Variants in ODAD3 observed in about 807,000 individuals in gnomAD.
The protein encoded by ODAD3 is outer dynein arm docking complex subunit 3.
Under a neutral mutation model 70.9 loss-of-function variants are expected in ODAD3, and 57 were observed. The observed-to-expected ratio is 0.80, with a 90% confidence interval of 0.65 to 1.00. The LOEUF (loss-of-function observed/expected upper bound fraction) is 1.00. ODAD3 is among the 50% of genes least tolerant of loss of function. The pLI, the probability that ODAD3 is intolerant of heterozygous loss-of-function variation, is 0.00. For synonymous variants in ODAD3, 327 were observed against 315.9 expected (o/e 1.04, Z -0.37); for missense variants, 797 against 763.9 (o/e 1.04, Z -0.51).
rs754536374 is a variant in ODAD3, at chr19:11,422,866, G to A, written c.1117-5C>T. 5 of 1,601,230 alleles carry A rather than the reference G, an allele frequency of 3.1e-6. No individual in the cohort carries two copies. Among genetic ancestry groups the A allele is most frequent in the South Asian group, 1.1e-5 (1 of 91,006 alleles). ...CAGGAACCGCCGCACCAACGACTGCGGGCCACCCAGCCCCAGTCAGAGCCA... is the reference window on the plus strand; with the variant it reads ...CAGGAACCGCCGCACCAACGACTGCAGGCCACCCAGCCCCAGTCAGAGCCA... On this transcript the variant is annotated splice_polypyrimidine_tract_variant and splice_region_variant and intron_variant, in intron 8 of 12. Coordinates refer to ENST00000356392, the MANE Select transcript of ODAD3 (RefSeq NM_145045.5). The surrounding 1 kb of genome is among the most constrained non-coding windows in gnomAD (Gnocchi z 4.6).
At position 11,425,122 on chromosome 19, in the gene ODAD3, CAT is replaced by C. The variant is rs1209559228; in HGVS notation, c.963+1020_963+1021del. On this transcript the variant is annotated intron_variant, in intron 7 of 12. Transcript: ENST00000356392. The stretch of plus-strand genomic sequence containing the variant: ...ATATATGTATATATGTGTATATGTA[CAT>C]ATGTGTATATGTGTATATGTACATA... 3.9e-4 allele frequency among the ~76,000 whole-genome samples: 45 copies of C among 116,606 alleles called. 4 individuals are homozygous for C. The highest frequency in any genetic ancestry group is 5.1e-4 in the Non-Finnish European group (31 of 61,148). 76.5% of individuals were successfully genotyped at this position (116,606 alleles called of 152,430 possible). A position where few individuals can be genotyped will look rare whatever the true frequency, so the allele number is the denominator to read the frequency against.
intron 8 of ODAD3, 89 bp downstream of exon 8, chr19:11,423,788 G>C (rs1453726944): frequency 7.3e-7 from 1 of 1,364,308 alleles, no homozygotes; most frequent in Non-Finnish European, 1.0e-6. Flanking sequence ...GGGGAGACAG[G>C]GTGTGTCGGT....
chr19:11,435,097 G>A lies in ODAD3; in HGVS notation c.-81C>T, dbSNP rs1214449838. 2.0e-6 allele frequency: 3 copies of A among 1,510,072 alleles called. No individual in the cohort carries two copies. The highest frequency in any genetic ancestry group is 2.3e-5 in the East Asian group (1 of 43,876). 93.5% of individuals were successfully genotyped at this position (1,510,072 alleles called of 1,614,324 possible). A position where few individuals can be genotyped will look rare whatever the true frequency, so the allele number is the denominator to read the frequency against. On this transcript the variant is annotated 5_prime_UTR_variant, in exon 1 of 13. Transcript: ENST00000356392. The stretch of plus-strand genomic sequence containing the variant: ...GCCCCTGTCAGGGATCCGTCAGCTC[G>A]GATTCCTAGGGCTCTGAAAAATGCA...
intron 8 of ODAD3, 152 bp from the exon 9 acceptor site, chr19:11,423,013 G>A: frequency 2.4e-6 from 2 of 849,718 alleles, no homozygotes; most frequent in Non-Finnish European, 3.6e-6. Flanking sequence ...CTGTGGGTTG[G>A]ACGCAGGGTT....
intron 7 of ODAD3, among the ~76,000 whole-genome samples, chr19:11,425,293 G>T (rs1258749345): frequency 7.2e-6 from 1 of 138,366 alleles, no homozygotes; most frequent in Non-Finnish European, 1.5e-5. Flanking sequence ...GTACATATGT[G>T]TATATATGTG....
At chr19:11,435,777 G>A, upstream of ODAD3, 1 of 1,395,906 alleles carries the variant, frequency 7.2e-7, no homozygotes, top group African/African-American at 1.4e-5. Flanking sequence ...TGCATGTGTG[G>A]GTGTGGACGG....
intron 3 of ODAD3, among the ~76,000 whole-genome samples, chr19:11,429,828 G>A (rs376394286): frequency 6.6e-6 from 1 of 150,508 alleles, no homozygotes; most frequent in African/African-American, 2.4e-5. Flanking sequence ...GTGAGCCACC[G>A]CGCCCAGCCT....
chr19:11,424,137 T>C, intron 7 of ODAD3, 108 bp from the exon 8 acceptor site: 1 of 1,364,654 alleles, frequency 7.3e-7, no homozygotes, highest in Non-Finnish European at 1.0e-6. Context: ...GGGCTCAAAC[T>C]GGAGGGAAGG....
rs1969375983 is a variant in ODAD3, at chr19:11,426,430, G to C, written c.840+16C>G. 1.2e-6 allele frequency: 2 copies of C among 1,613,978 alleles called. No individual in the cohort carries two copies. The highest frequency in any genetic ancestry group is 1.6e-4 in the Middle Eastern group (1 of 6,062). ...CGGCAGCTGGGCAGGATGGCCGAGG[G>C]CAAGAGGGGTGGCACCTTGGCAATG... On this transcript the variant is annotated intron_variant, in intron 6 of 12. Transcript: ENST00000356392.
At chr19:11,425,983 T>G (rs1599461247) in intron 7 of ODAD3, among the ~76,000 whole-genome samples, 161 bp downstream of exon 7, 1 of 44,166 alleles carries the variant, frequency 2.3e-5, no homozygotes, top group South Asian at 6.5e-4. Flanking sequence ...GTCAGGGATG[T>G]GGGAGGGGTC....
Position 11,427,055 on chromosome 19 carries a change from G to T in ODAD3, c.445-15C>A, listed in dbSNP as rs1229396067. ...TGCTCCAGGGCCTGCCGCAAGGAGG[G>T]GAGCGAAAGCAGGAGCCTCAACACC... On this transcript the variant is annotated splice_polypyrimidine_tract_variant and intron_variant, in intron 3 of 12. Transcript: ENST00000356392. 1 of 1,561,616 alleles carries T rather than the reference G, an allele frequency of 6.4e-7. No individual in the cohort carries two copies.
intron 7 of ODAD3, among the ~76,000 whole-genome samples, chr19:11,425,651 G>GTGTA (rs1969349476): frequency 8.1e-6 from 1 of 123,482 alleles, no homozygotes; most frequent in East Asian, 2.1e-4. Flanking sequence ...ATGTATATAC[G>GTGTA]TATATATATA....
At chr19:11,435,387 G>A (rs899405363), upstream of ODAD3, 25 of 423,014 alleles carry the variant, frequency 5.9e-5, no homozygotes, top group Non-Finnish European at 9.7e-5. Flanking sequence ...GGGGGTTCGC[G>A]GGCATTTTTC....
Position 11,426,776 on chromosome 19 carries a change from C to T in ODAD3, c.621G>A (p.Arg207=). 1 of 1,613,992 alleles carries T rather than the reference C, an allele frequency of 6.2e-7. No individual in the cohort carries two copies. Among genetic ancestry groups the T allele is most frequent in the Non-Finnish European group, 8.5e-7 (1 of 1,179,914 alleles). ...NRHTEVAKTM[R]NLENRLEKAQ... ...CCTTCTCCAGGCGGTTCTCCAGGTT[C>T]CGCATGGTCTGGAGAGCAGCAGGGC... The change falls in exon 5 of 13, where the codon CGG becomes CGA. Residue 207 remains arginine, a synonymous_variant. Coordinates refer to ENST00000356392, the MANE Select transcript of ODAD3 (RefSeq NM_145045.5).
rs1170076943 is a variant in ODAD3, at chr19:11,430,516, C to G, written c.444+183G>C. On this transcript the variant is annotated intron_variant, in intron 3 of 12. Coordinates refer to ENST00000356392, the MANE Select transcript of ODAD3 (RefSeq NM_145045.5). ...GAAGTGGAGACTTGGTCTGCTTTTT[C>G]ACTGCATTTACTACCATGCCAGGAT... 5 of 622,646 alleles carry G rather than the reference C, an allele frequency of 8.0e-6. No homozygotes were observed. In the Admixed American group the frequency reaches 1.4e-4, roughly 18 times the overall value. The allele number at this position is 622,646 out of a possible 1,614,324, so 38.6% of individuals were successfully genotyped here. A position where few individuals can be genotyped will look rare whatever the true frequency, so the allele number is the denominator to read the frequency against.
At chr19:11,425,624 T>TATACGCATATACGCATATACGCATATAC (rs1969346408) in intron 7 of ODAD3, among the ~76,000 whole-genome samples, 2 of 141,324 alleles carry the variant, frequency 1.4e-5, no homozygotes, top group African/African-American at 5.8e-5. Flanking sequence ...TATGCATATA[T>TATACGCATATACGCATATACGCATATAC]GCATATATGT....
chr19:11,426,491 C>A lies in ODAD3; in HGVS notation c.795G>T (p.Leu265=). Residue 265 remains leucine, a synonymous_variant, in exon 6 of 13, where the codon CTG becomes CTT. Coordinates refer to ENST00000356392, the MANE Select transcript of ODAD3 (RefSeq NM_145045.5). The part of the protein sequence containing the change: ...VVRTKHELEA[L]HVVNQEALNA... ...TGAGGGCCTCTTGGTTCACCACGTG[C>A]AGTGCCTCCAGCTCATGTTTGGTCC... The A allele has an allele frequency of 6.2e-7, 1 of 1,614,076 alleles. No individual in the cohort carries two copies. The highest frequency in any genetic ancestry group is 8.5e-7 in the Non-Finnish European group (1 of 1,179,970).
upstream of ODAD3, chr19:11,435,484 C>T: frequency 5.3e-6 from 2 of 380,452 alleles, no homozygotes; most frequent in Admixed American, 3.6e-5. Flanking sequence ...TCAGAACTAT[C>T]CTCTCTAAGG....
Position 11,422,445 on chromosome 19 carries a change from CG to C in ODAD3, c.1434+25del. ...CCTCTGCGGTCCCAGGAGGGCCTGT[CG>C]GGGCTTCCCCTGGGCGGGGCCTACC... On this transcript the variant is annotated intron_variant, in intron 10 of 12. Transcript: ENST00000356392. The surrounding 1 kb of genome is among the most constrained non-coding windows in gnomAD (Gnocchi z 4.6). 1 of 1,540,158 alleles carries C rather than the reference CG, an allele frequency of 6.5e-7. No individual in the cohort carries two copies. The highest frequency in any genetic ancestry group is 8.8e-7 in the Non-Finnish European group (1 of 1,141,220).
Sources: allele counts gnomAD v4.1 joint callset (sites outside exome capture counted in the v4.1 genomes callset), GRCh38; gene constraint gnomAD v4.1.1; non-coding constraint Gnocchi (gnomAD v3.1); transcripts MANE v1.5; gene names NCBI Gene and HGNC (gene_info 2026-07-23, HGNC 2026-07-21).